Variants in CNTLN observed in about 807,000 individuals in gnomAD.
CNTLN encodes the protein centlein, centrosomal protein.
Under a neutral mutation model 180.0 loss-of-function variants are expected in CNTLN, and 212 were observed. That is an observed-to-expected ratio of 1.18 (90% confidence interval 1.05 to 1.32). The LOEUF is 1.32. CNTLN is among the 40% of genes most tolerant of loss of function. The pLI is 0.00. For missense variants in CNTLN, 2,095 were observed against 1,610.9 expected (o/e 1.30, Z -5.14); for synonymous variants, 722 against 563.1 (o/e 1.28, Z -3.99).
chr9:17,169,634 C>T (rs749154412), intron 2 of CNTLN, among the ~76,000 whole-genome samples: 12 of 151,922 alleles, frequency 7.9e-5, no homozygotes, highest in Non-Finnish European at 1.3e-4. Flanking sequence ...CTAGTTTTCT[C>T]GGTACCATTT....
chr9:17,306,638 C>A (rs1818736405), intron 7 of CNTLN, among the ~76,000 whole-genome samples: 1 of 152,190 alleles, frequency 6.6e-6, no homozygotes, highest in Non-Finnish European at 1.5e-5. Flanking sequence ...CGATCCTGAC[C>A]ATACCCTAGC....
chr9:17,337,870 C>T (rs1018757662), intron 10 of CNTLN, among the ~76,000 whole-genome samples: 1 of 152,108 alleles, frequency 6.6e-6, no homozygotes, highest in African/African-American at 2.4e-5. Flanking sequence ...CTTTGAGGTT[C>T]TATTTACTCA....
chr9:17,315,103 G>A (rs757016702), intron 8 of CNTLN, among the ~76,000 whole-genome samples: 6 of 151,926 alleles, frequency 3.9e-5, no homozygotes, highest in Non-Finnish European at 8.8e-5. Context: ...GTGCAATTCT[G>A]TATTTCCCAC....
chr9:17,321,468 TA>T (rs960160938), intron 8 of CNTLN, among the ~76,000 whole-genome samples: 2 of 152,144 alleles, frequency 1.3e-5, no homozygotes, highest in African/African-American at 4.8e-5. Context: ...TTAAGTTCAA[TA>T]AATGCTTTTT....
chr9:17,283,661 C>T (rs1486057637), intron 6 of CNTLN, among the ~76,000 whole-genome samples: 1 of 152,138 alleles, frequency 6.6e-6, no homozygotes, highest in Non-Finnish European at 1.5e-5. Flanking sequence ...GAGACAGCAT[C>T]CTTGTCTTGT....
chr9:17,498,454 G>C lies in CNTLN; in HGVS notation c.4120-4097G>C, dbSNP rs367607508. 2.3e-4 allele frequency among the ~76,000 whole-genome samples: 35 copies of C among 152,286 alleles called. 1 individual carries two copies. In the South Asian group the frequency reaches 7.0e-3, roughly 31 times the overall value. On this transcript the variant is annotated intron_variant, in intron 25 of 25. Coordinates refer to ENST00000380647, the MANE Select transcript of CNTLN (RefSeq NM_017738.4). ...TATATGTCAGAGAAGCTAAAAATCT[G>C]TGTGAAATCAGGGGAGATCCCTCCA... is the stretch of plus-strand genomic sequence containing the variant.
intron 2 of CNTLN, among the ~76,000 whole-genome samples, chr9:17,146,892 T>C (rs931502218): frequency 6.6e-6 from 1 of 152,180 alleles, no homozygotes; most frequent in Admixed American, 6.5e-5. Context: ...CTTTTCTGTT[T>C]CTTGCATTAT....
intron 1 of CNTLN, among the ~76,000 whole-genome samples, chr9:17,142,083 G>GAAAAAAAAAAAAA (rs1180057903): frequency 1.7e-5 from 1 of 57,720 alleles, no homozygotes; most frequent in African/African-American, 6.3e-5. Context: ...CTCTGTCTCA[G>GAAAAAAAAAAAAA]AAAAAAAAAA....
chr9:17,366,760 A>G lies in CNTLN; in HGVS notation c.1987+43A>G, dbSNP rs770310585. On this transcript the variant is annotated intron_variant, in intron 13 of 25. Transcript: ENST00000380647. ...AAATACTTAACAGAGGAATTTTAAAATTGTGTAATTCTTGATGTTTTAGTT... is the reference window on the plus strand; with the variant it reads ...AAATACTTAACAGAGGAATTTTAAAGTTGTGTAATTCTTGATGTTTTAGTT... 4 of 1,061,210 alleles carry G rather than the reference A, an allele frequency of 3.8e-6. No homozygotes were observed. In the South Asian group the frequency reaches 4.2e-5, roughly 11 times the overall value. 65.7% of individuals were successfully genotyped at this position (1,061,210 alleles called of 1,614,324 possible).
the CNTLN span, among the ~76,000 whole-genome samples, chr9:17,515,692 C>T: frequency 0.013 from 2,022 of 152,286 alleles, 42 homozygotes; most frequent in African/African-American, 0.045. Flanking sequence ...ACCCTCAGAA[C>T]GTATCCAGCA....
At chr9:17,419,781 T>C (rs1564090775) in intron 18 of CNTLN, among the ~76,000 whole-genome samples, 1 of 152,234 alleles carries the variant, frequency 6.6e-6, no homozygotes. Flanking sequence ...AATCATTATC[T>C]ACAGCCCCAT....
chr9:17,230,488 G>T (rs111658184), intron 3 of CNTLN, among the ~76,000 whole-genome samples: 3,349 of 152,026 alleles, frequency 0.022, 126 homozygotes, highest in African/African-American at 0.076. Flanking sequence ...GTGCTTCTTA[G>T]TTTTTTGTTT....
downstream of CNTLN, among the ~76,000 whole-genome samples, chr9:17,508,416 C>A (rs956871323): frequency 6.6e-6 from 1 of 152,102 alleles, no homozygotes; most frequent in Middle Eastern, 3.2e-3. Context: ...AAAATATAGA[C>A]CATAGATGGA....
intron 12 of CNTLN, among the ~76,000 whole-genome samples, chr9:17,353,454 C>T (rs894222774): frequency 6.6e-6 from 1 of 151,710 alleles, no homozygotes; most frequent in African/African-American, 2.4e-5. Flanking sequence ...TTTGCATTTT[C>T]TTAATGAGTA....
At chr9:17,465,024 C>A (rs749937444) in intron 21 of CNTLN, among the ~76,000 whole-genome samples, 2 of 150,896 alleles carry the variant, frequency 1.3e-5, no homozygotes, top group African/African-American at 4.8e-5. Flanking sequence ...TTCTTGGATA[C>A]CCTTAATGAA....
intron 3 of CNTLN, among the ~76,000 whole-genome samples, chr9:17,232,510 T>C (rs1824877026): frequency 6.6e-6 from 1 of 151,944 alleles, no homozygotes; most frequent in African/African-American, 2.4e-5. Context: ...ATGGGAAAAC[T>C]CTTTTAAAAC....
At chr9:17,268,814 ACT>A (rs1315571790) in intron 5 of CNTLN, among the ~76,000 whole-genome samples, 2 of 148,490 alleles carry the variant, frequency 1.3e-5, no homozygotes, top group African/African-American at 2.5e-5. Context: ...AATCAGCGAG[ACT>A]CTGTGGGCGT....
intron 13 of CNTLN, among the ~76,000 whole-genome samples, chr9:17,385,599 G>A (rs1036708522): frequency 1.3e-5 from 2 of 152,064 alleles, no homozygotes; most frequent in Non-Finnish European, 2.9e-5. Context: ...TCCAAATACA[G>A]TGGACCCTCT....
At chr9:17,509,802 T>G in the CNTLN span, among the ~76,000 whole-genome samples, 3 of 152,138 alleles carry the variant, frequency 2.0e-5, no homozygotes, top group Non-Finnish European at 4.4e-5. Flanking sequence ...TCTTGTGACT[T>G]TATGCTTTCC....
Sources: allele counts gnomAD v4.1 joint callset (sites outside exome capture counted in the v4.1 genomes callset), GRCh38; gene constraint gnomAD v4.1.1; transcripts MANE v1.5; gene names NCBI Gene and HGNC (gene_info 2026-07-23, HGNC 2026-07-21).